TTN: variants seen among roughly 807,000 people sequenced by gnomAD.
The protein encoded by TTN is connectin.
Under a neutral mutation model 3,223.0 loss-of-function variants are expected in TTN, and 1,525 were observed. The observed-to-expected ratio is 0.47, with a 90% CI of 0.45 to 0.49. The LOEUF is 0.49. TTN is among the 20% of genes least tolerant of loss of function. The probability of loss-of-function intolerance (pLI) is 0.00; values close to 1 mark genes in which losing one functional copy is unlikely to be tolerated. For missense variants in TTN, 40,786 were observed against 43,424.0 expected, an observed-to-expected ratio of 0.94 and a Z score of 5.40; for synonymous variants, 14,094 against 15,161.0, an observed-to-expected ratio of 0.93 and a Z score of 5.17.
At chr2:178,759,254 AT>A in intron 43 of TTN, 82 bp from the exon 44 acceptor site, 1 of 1,355,608 alleles carries the variant, frequency 7.4e-7, no homozygotes, top group South Asian at 1.2e-5. Context: ...AATGTTAATA[AT>A]ACTAGTGCCT....
intron 294 of TTN, among the ~76,000 whole-genome samples, chr2:178,597,231 C>T (rs2051945523): frequency 6.6e-6 from 1 of 151,998 alleles, no homozygotes; most frequent in Admixed American, 6.6e-5. Flanking sequence ...ATATTCATGG[C>T]CTTCTAGCAA....
intron 155 of TTN, among the ~76,000 whole-genome samples, chr2:178,671,371 C>G (rs561768433): frequency 6.6e-6 from 1 of 151,892 alleles, no homozygotes; most frequent in South Asian, 2.1e-4. Flanking sequence ...CACACACACA[C>G]ACACATTCCT....
chr2:178,793,541 C>T lies in TTN; in HGVS notation c.1399G>A (p.Val467Ile), dbSNP rs765360756. The stretch of plus-strand genomic sequence containing the variant: ...GCAGTCTTCTCCGCTTCCTTTCTTA[C>T]CTGCTTTTCATAGAGAAAGGAAGAA... ...AVHIQPAQEQ[V>I]RKEAEKTAVT... is the part of the protein sequence containing the mutation. Residue 467 changes from valine to isoleucine, a missense_variant and splice_region_variant, in exon 9 of 363, where the codon GTA (valine) becomes ATA (isoleucine). By Grantham distance (29) the Val-to-Ile change is conservative. Transcript: ENST00000589042. The T allele has an allele frequency of 1.2e-6, 2 of 1,613,730 alleles. No homozygotes were observed. Among genetic ancestry groups the T allele is most frequent in the Admixed American group, 3.3e-5 (2 of 60,016 alleles).
At chr2:178,728,422 C>A in intron 66 of TTN, 25 bp from the exon 67 acceptor site, 1 of 1,581,674 alleles carries the variant, frequency 6.3e-7, no homozygotes. Context: ...CAGCAAAACA[C>A]ATCCATTAAT....
rs878903172 is a variant in TTN at position 178,723,986 on chromosome 2, T to C, written c.21273A>G (p.Gln7091=). The change falls in exon 73 of 363, where the codon CAA becomes CAG. Residue 7091 remains glutamine (Q), a synonymous_variant. Coordinates refer to ENST00000589042, the MANE Select transcript of TTN (RefSeq NM_001267550.2). The stretch of plus-strand genomic sequence containing the variant: ...TGCAGACATTATCTGAAAATGTGGT[T>C]TGGTACTTTGCTCCACTGACAATCT... ...KTKIVSGAKY[Q]TTFSDNVCTL... is the part of the protein sequence containing the mutation. The C allele has an allele frequency of 1.1e-5, 17 of 1,613,460 alleles. No individual in the cohort carries two copies. The highest frequency in any genetic ancestry group is 1.4e-5 in the Non-Finnish European group (16 of 1,179,630).
rs771324532 is a variant in TTN at position 178,757,788 on chromosome 2, T to C, written c.10432A>G (p.Asn3478Asp). 6.2e-7 allele frequency: 1 copy of C among 1,613,712 alleles called. No individual in the cohort carries two copies. The highest frequency in any genetic ancestry group is 1.7e-5 in the Admixed American group (1 of 60,022). The change falls in exon 45 of 363, where the codon AAC becomes GAC. Residue 3478 changes from asparagine to aspartate, a missense_variant. By Grantham distance (23) the Asn-to-Asp change is conservative. Coordinates refer to ENST00000589042, the MANE Select transcript of TTN (RefSeq NM_001267550.2). ...GCATGAAATCTGACTGTCTCCCCGT[T>C]GTGCACCCTGAGGCTTGACAGAGGC... ...IQPLSSLRVH[N>D]GETVRFHARV... is the part of the protein sequence containing the mutation.
At chr2:178,772,482 T>C (rs1164578037) in intron 33 of TTN, among the ~76,000 whole-genome samples, 1 of 152,216 alleles carries the variant, frequency 6.6e-6, no homozygotes, top group East Asian at 1.9e-4. Context: ...TATTCTTCAT[T>C]GTAAAGCTAA....
rs769334194 is a variant in TTN, at chr2:178,602,348, C to T, written c.55054G>A (p.Val18352Ile). ...GGTTCAGATTCACCAGCTTCATTGACAGCTTTCACTCTGAATCTGTACTTC... is the reference window on the plus strand; with the variant it reads ...GGTTCAGATTCACCAGCTTCATTGATAGCTTTCACTCTGAATCTGTACTTC... ...LRKYRFRVKA[V>I]NEAGESEPSD... The change falls in exon 283 of 363, where the codon GTC becomes ATC. Residue 18352 changes from valine to isoleucine, a missense_variant. Transcript: ENST00000589042. 17 of 1,612,834 alleles carry T rather than the reference C, an allele frequency of 1.1e-5. No individual in the cohort carries two copies. In the Admixed American group the frequency reaches 1.7e-4, roughly 16 times the overall value.
At chr2:178,635,751 T>A in intron 226 of TTN, 36 bp from the exon 227 acceptor site, 2 of 1,565,302 alleles carry the variant, frequency 1.3e-6, no homozygotes, top group Non-Finnish European at 1.7e-6. Flanking sequence ...ATGATTAAGG[T>A]CTGAACAAGT....
chr2:178,649,877 TC>T lies in TTN; in HGVS notation c.39834del (p.Lys13279ArgfsTer31), dbSNP rs886044415. 2.5e-6 allele frequency: 4 copies of T among 1,611,278 alleles called. No homozygotes were observed. Among genetic ancestry groups the T allele is most frequent in the Non-Finnish European group, 2.5e-6 (3 of 1,179,204 alleles). On this transcript the variant is annotated frameshift_variant, in exon 211 of 363. Coordinates refer to ENST00000589042, the MANE Select transcript of TTN (RefSeq NM_001267550.2). LOFTEE classifies it high-confidence loss of function. Reference protein sequence around the residue: ...VPPPAVPEEPKKIIPEKKVPV... With the variant: ...VPPPAVPEEPXKIIPEKKVPV... ...GGAACTTTCTTCTCTGGGATGATCT[TC>T]TTGGGCTCTTCAGGCACTTGAATAA...
At position 178,778,962 on chromosome 2, in the gene TTN, T is replaced by C. The variant is rs770961696; in HGVS notation, c.4120A>G (p.Ile1374Val). 3 of 1,613,982 alleles carry C rather than the reference T, an allele frequency of 1.9e-6. No homozygotes were observed. The highest frequency in any genetic ancestry group is 4.5e-5 in the East Asian group (2 of 44,840). Residue 1374 changes from isoleucine to valine, a missense_variant, in exon 24 of 363, where the codon ATT (isoleucine) becomes GTT (valine). Transcript: ENST00000589042. ...AFASNIKGNA[I>V]CSGKLYVEPA... ...TCCACATACAATTTCCCTGAGCAAATTGCATTTCCTTTAATATTGCTGGCA... is the reference window on the plus strand; with the variant it reads ...TCCACATACAATTTCCCTGAGCAAACTGCATTTCCTTTAATATTGCTGGCA...
Position 178,740,961 on chromosome 2 carries a change from T to G in TTN, c.12272A>C (p.Gln4091Pro). Residue 4091 changes from glutamine (Q) to proline (P), a missense_variant, in exon 48 of 363, where the codon CAA (glutamine) becomes CCA (proline). Physicochemically the swap from Gln to Pro is moderately conservative, Grantham distance 76 (BLOSUM62 -1). Coordinates refer to ENST00000589042, the MANE Select transcript of TTN (RefSeq NM_001267550.2). ...KAALITEENQ[Q>P]LSYEHIAKAN... ...TTTAGCAATATGCTCATAAGATAGTTGCTGGTTTTCTTCTGTAATTAAAGC... is the reference window on the plus strand; with the variant it reads ...TTTAGCAATATGCTCATAAGATAGTGGCTGGTTTTCTTCTGTAATTAAAGC... 6.2e-7 allele frequency: 1 copy of G among 1,613,950 alleles called. No homozygotes were observed. Among genetic ancestry groups the G allele is most frequent in the Non-Finnish European group, 8.5e-7 (1 of 1,179,844 alleles).
At chr2:178,745,251 A>C (rs56120016) in intron 47 of TTN, 55,046 of 1,139,594 alleles carry the variant, frequency 0.048, 1,854 homozygotes, top group East Asian at 0.2. Flanking sequence ...TTTATCTGCT[A>C]AAAGAGAGTC....
intron 6 of TTN, chr2:178,799,060 T>C (rs1286809277): frequency 1.6e-5 from 3 of 189,302 alleles, no homozygotes; most frequent in Non-Finnish European, 3.4e-5. Flanking sequence ...ACCTCCTTTG[T>C]CACCTGCTAC....
In TTN at chr2:178,549,377, T is replaced by A; in HGVS notation, c.92249A>T (p.Glu30750Val). The change falls in exon 339 of 363, where the codon GAA becomes GTA. Residue 30750 changes from glutamate (E) to valine (V), a missense_variant. Transcript: ENST00000589042. The stretch of plus-strand genomic sequence containing the variant: ...TCTTTCAAGGATATACTGTTGAATT[T>A]CACTGCCACCATCTGATTCTGGCCT... ...WARPESDGGS[E>V]IQQYILERRE... 6.2e-7 allele frequency: 1 copy of A among 1,613,878 alleles called. No homozygotes were observed. The highest frequency in any genetic ancestry group is 1.1e-5 in the South Asian group (1 of 91,084).
Position 178,530,367 on chromosome 2 carries a change from A to C in TTN, c.106248T>G (p.Ile35416Met). 1.9e-6 allele frequency: 3 copies of C among 1,613,968 alleles called. No homozygotes were observed. The highest frequency in any genetic ancestry group is 1.7e-6 in the Non-Finnish European group (2 of 1,179,876). Reference sequence around the variant, plus strand: ...CAGTAACAATTACTGGTTTTGAGGAAATTGGTTCAGGAGCTTTTGGTTCAG... The same window carrying C: ...CAGTAACAATTACTGGTTTTGAGGACATTGGTTCAGGAGCTTTTGGTTCAG... ...RKTEPKAPEP[I>M]SSKPVIVTGL... is the part of the protein sequence containing the mutation. The change falls in exon 358 of 363, where the codon ATT becomes ATG. Residue 35416 changes from isoleucine (I) to methionine (M), a missense_variant. Coordinates refer to ENST00000589042, the MANE Select transcript of TTN (RefSeq NM_001267550.2).
chr2:178,673,617 T>C lies in TTN; in HGVS notation c.34786+16A>G, dbSNP rs759964113. ...AATGGGAAGTTAAAGATATTAATAA[T>C]GAGGATTTGATATACCTTTAGCTGG... On this transcript the variant is annotated intron_variant, in intron 152 of 362. Coordinates refer to ENST00000589042, the MANE Select transcript of TTN (RefSeq NM_001267550.2). 1 of 1,533,508 alleles carries C rather than the reference T, an allele frequency of 6.5e-7. No homozygotes were observed. The highest frequency in any genetic ancestry group is 8.7e-7 in the Non-Finnish European group (1 of 1,145,602). The allele number at this position is 1,533,508 out of a possible 1,614,324, so 95.0% of individuals were successfully genotyped here.
rs1220276093 is a variant in TTN at position 178,715,055 on chromosome 2, C to T, written c.26131G>A (p.Gly8711Arg). 6.2e-7 allele frequency: 1 copy of T among 1,613,574 alleles called. No homozygotes were observed. Among genetic ancestry groups the T allele is most frequent in the African/African-American group, 1.3e-5 (1 of 74,994 alleles). Residue 8711 changes from glycine (G) to arginine (R), a missense_variant, in exon 90 of 363, where the codon GGG becomes AGG. Transcript: ENST00000589042. ...TTTGTGGCTTTACACTGATATTCCC[C>T]AATGTCTGCAGCATCGACATTCAGG... ...HILNVDAADI[G>R]EYQCKATNDV...
chr2:178,619,422 G>C, intron 250 of TTN, 199 bp downstream of exon 250: 1 of 624,056 alleles, frequency 1.6e-6, no homozygotes, highest in Non-Finnish European at 2.7e-6. Flanking sequence ...CAAGGCTCTG[G>C]CATGTAAAGA....
Sources: allele counts gnomAD v4.1 joint callset (sites outside exome capture counted in the v4.1 genomes callset), GRCh38; gene constraint gnomAD v4.1.1; transcripts MANE v1.5; gene names NCBI Gene and HGNC (gene_info 2026-07-23, HGNC 2026-07-21).